The following PTK2 variants were observed in gnomAD, a reference collection of about 807,000 sequenced individuals.
PTK2 encodes focal adhesion kinase 1.
In PTK2, 45 loss-of-function variants were observed where a neutral mutation model predicts 150.1. That is an observed-to-expected ratio of 0.30 (90% CI 0.24 to 0.38). The LOEUF is 0.38. Ranked by LOEUF, PTK2 falls within the 10% of genes least tolerant of loss-of-function variation. The pLI is 1.00. For missense variants in PTK2, 919 were observed against 1,307.3 expected, an observed-to-expected ratio of 0.70 and a Z score of 4.58; for synonymous variants, 432 against 449.2, an observed-to-expected ratio of 0.96 and a Z score of 0.48.
intron 2 of PTK2, among the ~76,000 whole-genome samples, chr8:140,918,121 G>T (rs1035162301): frequency 3.3e-5 from 5 of 152,202 alleles, no homozygotes; most frequent in African/African-American, 1.2e-4. Context: ...TTAAGTAGGA[G>T]TTGGCTAGTC....
intron 1 of PTK2, among the ~76,000 whole-genome samples, chr8:140,998,417 C>A (rs1365693331): frequency 6.6e-6 from 1 of 152,080 alleles, no homozygotes; most frequent in Non-Finnish European, 1.5e-5. Flanking sequence ...AATCAACATT[C>A]AGGAAAGGAC....
chr8:140,912,769 G>C (rs2100163720), intron 2 of PTK2, among the ~76,000 whole-genome samples: 1 of 152,002 alleles, frequency 6.6e-6, no homozygotes, highest in South Asian at 2.1e-4. Flanking sequence ...GACCAGCCTG[G>C]CCAGTATGGT....
At chr8:140,969,848 T>C (rs1017743067) in intron 1 of PTK2, among the ~76,000 whole-genome samples, 2 of 152,188 alleles carry the variant, frequency 1.3e-5, no homozygotes, top group Admixed American at 6.5e-5. Flanking sequence ...CCTTCTATAT[T>C]CACCTGTGTG....
At chr8:140,769,732 AC>A (rs1194531307) in intron 14 of PTK2, 140 bp from the exon 16 acceptor site, 1 of 386,496 alleles carries the variant, frequency 2.6e-6, no homozygotes, top group Non-Finnish European at 4.5e-6. Context: ...AAAAACAATT[AC>A]CCCCCAGGGT....
At chr8:140,911,683 T>C (rs1367756303) in intron 2 of PTK2, among the ~76,000 whole-genome samples, 1 of 152,216 alleles carries the variant, frequency 6.6e-6, no homozygotes, top group Non-Finnish European at 1.5e-5. Context: ...TTTATCTTCA[T>C]GTCCCTTTCT....
At chr8:140,843,292 A>G (rs1374549475) in intron 7 of PTK2, among the ~76,000 whole-genome samples, 2 of 152,140 alleles carry the variant, frequency 1.3e-5, no homozygotes, top group African/African-American at 4.8e-5. Flanking sequence ...GCTGTTAAAA[A>G]TATGTCAATG....
At chr8:140,756,846 G>A (rs1483671073) in intron 16 of PTK2, among the ~76,000 whole-genome samples, 17 of 151,638 alleles carry the variant, frequency 1.1e-4, no homozygotes, top group Admixed American at 2.6e-4. Context: ...AAAATTAGCC[G>A]GGCGTGGTGG....
intron 10 of PTK2, among the ~76,000 whole-genome samples, chr8:140,815,845 T>C (rs1217468676): frequency 6.6e-6 from 1 of 152,122 alleles, no homozygotes; most frequent in African/African-American, 2.4e-5. Flanking sequence ...ATTTAGGAGC[T>C]ACTCATAAAA....
Position 140,793,557 on chromosome 8 carries a change from A to G in PTK2, c.1094-173T>C, listed in dbSNP as rs558389937. 2.6e-5 allele frequency among the ~76,000 whole-genome samples: 4 copies of G among 152,342 alleles called. No individual in the cohort carries two copies. In the East Asian group the frequency reaches 7.7e-4, roughly 29 times the overall value. ...TCTCATGGTTTTATTTTCAATATTT[A>G]TAACAAACATAAACTGAGTATTAGA... is the stretch of plus-strand genomic sequence containing the variant. On this transcript the variant is annotated intron_variant, in intron 12 of 31. Coordinates refer to ENST00000522684, the Ensembl canonical transcript of PTK2.
At chr8:140,780,153 C>T (rs1003866338) in intron 14 of PTK2, among the ~76,000 whole-genome samples, 2 of 152,128 alleles carry the variant, frequency 1.3e-5, no homozygotes, top group Non-Finnish European at 2.9e-5. Context: ...GGTGAGGGAA[C>T]GCTGTCTCTA....
intron 4 of PTK2, among the ~76,000 whole-genome samples, chr8:140,876,038 G>A (rs979679414): frequency 6.6e-5 from 10 of 151,882 alleles, no homozygotes; most frequent in African/African-American, 2.4e-4. Flanking sequence ...TTTTTCATAC[G>A]ATATTAACAG....
At chr8:140,775,366 T>C (rs1415052154) in intron 14 of PTK2, among the ~76,000 whole-genome samples, 1 of 152,046 alleles carries the variant, frequency 6.6e-6, no homozygotes, top group Non-Finnish European at 1.5e-5. Context: ...GTGCTTGTAG[T>C]CATAGCTACT....
chr8:140,850,712 A>G (rs764004653), intron 5 of PTK2, among the ~76,000 whole-genome samples: 7 of 152,222 alleles, frequency 4.6e-5, no homozygotes, highest in Non-Finnish European at 8.8e-5. Flanking sequence ...CCTGGGCGAC[A>G]GAGCGAGACT....
intron 2 of PTK2, among the ~76,000 whole-genome samples, chr8:140,919,050 A>G (rs1382363554): frequency 6.6e-6 from 1 of 152,218 alleles, no homozygotes; most frequent in Non-Finnish European, 1.5e-5. Context: ...CTGGGCAATC[A>G]CAATGGAAGC....
intron 29 of PTK2, among the ~76,000 whole-genome samples, chr8:140,670,536 CACAT>C (rs1270615061): frequency 1.1e-4 from 13 of 115,502 alleles, no homozygotes; most frequent in African/African-American, 4.0e-4. Context: ...CACACACACA[CACAT>C]TGGGAGCTTA....
At chr8:140,990,905 G>A (rs1288950759) in intron 1 of PTK2, among the ~76,000 whole-genome samples, 1 of 151,948 alleles carries the variant, frequency 6.6e-6, no homozygotes, top group East Asian at 1.9e-4. Context: ...GAGAATGGAC[G>A]GGAGACTCTT....
At chr8:140,987,074 A>T (rs2100193541) in intron 1 of PTK2, among the ~76,000 whole-genome samples, 1 of 152,216 alleles carries the variant, frequency 6.6e-6, no homozygotes, top group South Asian at 2.1e-4. Flanking sequence ...AAAATGAAAA[A>T]GCCAGCCATA....
At chr8:140,835,166 C>G (rs1295087349) in intron 7 of PTK2, among the ~76,000 whole-genome samples, 1 of 152,216 alleles carries the variant, frequency 6.6e-6, no homozygotes, top group Non-Finnish European at 1.5e-5. Context: ...GTATTCATAT[C>G]CACAAATTCA....
At chr8:140,688,286 G>C (rs1335699506) in intron 26 of PTK2, among the ~76,000 whole-genome samples, 1 of 152,082 alleles carries the variant, frequency 6.6e-6, no homozygotes, top group South Asian at 2.1e-4. Flanking sequence ...CACAGTTCCT[G>C]GTTGGTGCGC....
Sources: gnomAD v4.1 joint callset for allele counts (sites outside exome capture counted in the v4.1 genomes callset) on GRCh38, gnomAD v4.1.1 for gene constraint, MANE v1.5 for transcripts, NCBI Gene and HGNC (gene_info 2026-07-23, HGNC 2026-07-21) for gene names.